The following FRMD4B variants were observed in gnomAD, a reference collection of about 807,000 sequenced individuals.
FRMD4B encodes FERM domain-containing protein 4B.
A neutral mutation model predicts 141.5 loss-of-function variants in FRMD4B; 74 were observed. The observed-to-expected ratio is 0.52, with a 90% CI of 0.43 to 0.63. The LOEUF (loss-of-function observed/expected upper bound fraction) is 0.63, where lower values mean the gene tolerates loss of function less well. Ranked by LOEUF, FRMD4B falls within the 30% of genes least tolerant of loss-of-function variation. FRMD4B has a pLI of 0.00. For synonymous variants in FRMD4B, 506 were observed against 467.9 expected, an observed-to-expected ratio of 1.08 and a Z score of -1.05; for missense variants, 1,366 against 1,253.4, an observed-to-expected ratio of 1.09 and a Z score of -1.36.
chr3:69,313,859 G>T (rs1247639334), intron 1 of FRMD4B, among the ~76,000 whole-genome samples: 7 of 150,740 alleles, frequency 4.6e-5, no homozygotes, highest in Admixed American at 2.0e-4. Flanking sequence ...AAAAAAAAAG[G>T]CCGGGCGCGG....
intron 1 of FRMD4B, among the ~76,000 whole-genome samples, chr3:69,365,559 C>A (rs1703615576): frequency 6.7e-6 from 1 of 150,114 alleles, no homozygotes; most frequent in Non-Finnish European, 1.5e-5. Context: ...GGCTGGGGTG[C>A]AGTGAAGCAA....
At position 69,384,662 on chromosome 3, in the gene FRMD4B, T is replaced by C. The variant is rs191306070; in HGVS notation, c.162+1166A>G. 1.5e-4 allele frequency among the ~76,000 whole-genome samples: 23 copies of C among 152,338 alleles called. No homozygotes were observed. In the East Asian group the frequency reaches 4.2e-3, roughly 28 times the overall value. On this transcript the variant is annotated intron_variant, in intron 1 of 22. Coordinates refer to ENST00000398540, the MANE Select transcript of FRMD4B (RefSeq NM_015123.3). ...TTCAAAATGCAAGATATCACAGATATGTTATACAAAGCAGAAGCAGTGAAA... is the reference window on the plus strand; with the variant it reads ...TTCAAAATGCAAGATATCACAGATACGTTATACAAAGCAGAAGCAGTGAAA...
At chr3:69,452,358 G>A (rs1705516306) in intron 1 of FRMD4B, among the ~76,000 whole-genome samples, 1 of 152,246 alleles carries the variant, frequency 6.6e-6, no homozygotes, top group South Asian at 2.1e-4. Flanking sequence ...GAAAGGGCAT[G>A]TGATTTGGAG....
At chr3:69,254,002 C>G (rs552060409) in intron 5 of FRMD4B, among the ~76,000 whole-genome samples, 4 of 152,238 alleles carry the variant, frequency 2.6e-5, no homozygotes, top group Non-Finnish European at 4.4e-5. Flanking sequence ...ATGGCTTGAG[C>G]CTGGGATGTC....
At chr3:69,478,863 G>T (rs980444276) in intron 1 of FRMD4B, among the ~76,000 whole-genome samples, 3 of 151,784 alleles carry the variant, frequency 2.0e-5, no homozygotes, top group African/African-American at 7.3e-5. Flanking sequence ...GGTCACTCAG[G>T]ACTTGCTTTA....
chr3:69,408,003 T>A (rs1704679159), intron 2 of FRMD4B, among the ~76,000 whole-genome samples: 1 of 152,138 alleles, frequency 6.6e-6, no homozygotes, highest in South Asian at 2.1e-4. Context: ...GCACACTTTT[T>A]AAAAATACAG....
chr3:69,287,984 G>A (rs540496267), intron 4 of FRMD4B, 148 bp from the exon 5 acceptor site: 160 of 578,078 alleles, frequency 2.8e-4, no homozygotes, highest in Middle Eastern at 2.6e-3. Context: ...AATATGCACC[G>A]CACGTATTTA....
intron 1 of FRMD4B, among the ~76,000 whole-genome samples, chr3:69,330,562 G>A (rs1416004403): frequency 6.6e-6 from 1 of 151,374 alleles, no homozygotes; most frequent in Non-Finnish European, 1.5e-5. Flanking sequence ...GGTCAGGCTG[G>A]TCTCGAACTC....
chr3:69,385,394 A>G (rs1020268777), intron 1 of FRMD4B, among the ~76,000 whole-genome samples: 2 of 152,182 alleles, frequency 1.3e-5, no homozygotes, highest in Non-Finnish European at 2.9e-5. Flanking sequence ...AATCCAACGG[A>G]AGGATAAAAA....
At chr3:69,353,177 A>G (rs930399836) in intron 1 of FRMD4B, among the ~76,000 whole-genome samples, 2 of 152,158 alleles carry the variant, frequency 1.3e-5, no homozygotes, top group African/African-American at 4.8e-5. Flanking sequence ...CATATTTGCC[A>G]AAGTTCTAAA....
At chr3:69,340,599 T>A (rs1702707703) in intron 1 of FRMD4B, among the ~76,000 whole-genome samples, 1 of 152,200 alleles carries the variant, frequency 6.6e-6, no homozygotes, top group Non-Finnish European at 1.5e-5. Flanking sequence ...TTTGCTAGTG[T>A]CACCACCATG....
At chr3:69,345,454 TA>T (rs1702903465) in intron 1 of FRMD4B, among the ~76,000 whole-genome samples, 1 of 152,180 alleles carries the variant, frequency 6.6e-6, no homozygotes, top group Non-Finnish European at 1.5e-5. Flanking sequence ...TCTACAGACT[TA>T]AATGTCCCTG....
intron 18 of FRMD4B, among the ~76,000 whole-genome samples, chr3:69,189,222 C>CAAAAAA (rs71115659): frequency 2.0e-3 from 79 of 39,578 alleles, no homozygotes; most frequent in African/African-American, 5.9e-3. Flanking sequence ...AACTCCATCT[C>CAAAAAA]AAAAAAAAAA....
intron 1 of FRMD4B, among the ~76,000 whole-genome samples, chr3:69,454,754 C>A (rs905744865): frequency 6.6e-6 from 1 of 152,192 alleles, no homozygotes; most frequent in Non-Finnish European, 1.5e-5. Flanking sequence ...CCCCAAAGGG[C>A]ACCACCCCCT....
At chr3:69,303,526 T>C (rs1466433435) in intron 3 of FRMD4B, among the ~76,000 whole-genome samples, 2 of 152,292 alleles carry the variant, frequency 1.3e-5, no homozygotes, top group South Asian at 4.1e-4. Flanking sequence ...ATAACACTAG[T>C]TGACTTTTGA....
chr3:69,391,597 T>C (rs532529919), intron 2 of FRMD4B, among the ~76,000 whole-genome samples: 1 of 152,112 alleles, frequency 6.6e-6, no homozygotes, highest in Admixed American at 6.5e-5. Context: ...GGCATGTTTA[T>C]AGAAAAAATT....
chr3:69,264,984 G>A (rs1015527657), intron 5 of FRMD4B, among the ~76,000 whole-genome samples: 4 of 151,800 alleles, frequency 2.6e-5, no homozygotes, highest in Non-Finnish European at 5.9e-5. Context: ...GGTCGGGCGC[G>A]GTGGCTCACG....
chr3:69,422,828 C>G (rs930610565), intron 2 of FRMD4B, among the ~76,000 whole-genome samples: 1 of 152,024 alleles, frequency 6.6e-6, no homozygotes, highest in Non-Finnish European at 1.5e-5. Context: ...TAGCTCAGGA[C>G]GGTAGCAAAA....
In FRMD4B at chr3:69,169,375, T is replaced by TTTCC. The variant is rs1553691449; in HGVS notation, c.*2485_*2486insGGAA. On this transcript the variant is annotated 3_prime_UTR_variant, in exon 23 of 23. Coordinates refer to ENST00000398540, the MANE Select transcript of FRMD4B (RefSeq NM_015123.3). ...TTTCTTTTTTTTTTTTTTTTTTTTT[T>TTTCC]CTTGAGACAAGGTCTGTTATTGCCT... Among the ~76,000 whole-genome samples the TTTCC allele has an allele frequency of 1.0e-4, 13 of 124,598 alleles. No homozygotes were observed. Among genetic ancestry groups the TTTCC allele is most frequent in the African/African-American group, 2.9e-4 (10 of 34,370 alleles). 81.7% of individuals were successfully genotyped at this position (124,598 alleles called of 152,430 possible).
Sources: allele counts gnomAD v4.1 joint callset (sites outside exome capture counted in the v4.1 genomes callset), GRCh38; gene constraint gnomAD v4.1.1; transcripts MANE v1.5; gene names NCBI Gene and HGNC (gene_info 2026-07-23, HGNC 2026-07-21).